Variants in CIROZ observed in about 807,000 individuals in gnomAD.
CIROZ encodes the protein ciliated left-right organizer ZP-N domains-containing protein.
At chr1:10,954,471 AAG>A in the CIROZ span, among the ~76,000 whole-genome samples, 4 of 143,290 alleles carry the variant, frequency 2.8e-5, no homozygotes, top group South Asian at 2.6e-4. Context: ...AAAAAAAGAA[AAG>A]AAAAGAAAAG....
At chr1:10,955,144 T>C in the CIROZ span, 3 of 1,612,886 alleles carry the variant, frequency 1.9e-6, no homozygotes, top group African/African-American at 1.3e-5. Flanking sequence ...CAGTCTCTGC[T>C]TGGGGATGTG....
the CIROZ span, among the ~76,000 whole-genome samples, chr1:10,967,769 C>T: frequency 4.6e-5 from 7 of 152,052 alleles, no homozygotes; most frequent in African/African-American, 1.4e-4. Context: ...GCCAGGAGTT[C>T]GAGACCAGTC....
chr1:10,957,417 A>G, the CIROZ span, among the ~76,000 whole-genome samples: 2 of 152,254 alleles, frequency 1.3e-5, no homozygotes, highest in South Asian at 4.1e-4. Context: ...CACTGAATGC[A>G]TGATTGCAGG....
chr1:10,964,119 A>G, the CIROZ span: 1 of 1,612,794 alleles, frequency 6.2e-7, no homozygotes, highest in Non-Finnish European at 8.5e-7. Context: ...GACCCCCCGA[A>G]CCCATTACCT....
chr1:10,970,932 C>T, the CIROZ span, among the ~76,000 whole-genome samples: 1 of 148,412 alleles, frequency 6.7e-6, no homozygotes. Flanking sequence ...ATTGCTTAAG[C>T]TCAGAAGTTC....
chr1:10,970,042 T>C, the CIROZ span: 2 of 1,536,090 alleles, frequency 1.3e-6, no homozygotes, highest in Non-Finnish European at 1.7e-6. Context: ...CACAGGGTCA[T>C]GTAGTCTGAG....
the CIROZ span, among the ~76,000 whole-genome samples, chr1:10,959,378 C>T: frequency 6.6e-6 from 1 of 152,164 alleles, no homozygotes; most frequent in African/African-American, 2.4e-5. This position sits in a 1 kb window ranked among gnomAD's most constrained non-coding sequence, Gnocchi z 4.3. Flanking sequence ...AGGGTGGCAC[C>T]ATTCTCCCGT....
the CIROZ span, among the ~76,000 whole-genome samples, chr1:10,969,172 T>C: frequency 3.3e-5 from 5 of 152,178 alleles, no homozygotes; most frequent in Admixed American, 3.3e-4. Flanking sequence ...TGGGTGAGAT[T>C]GGAAAGCCTC....
chr1:10,969,974 C>T, the CIROZ span: 1 of 1,533,148 alleles, frequency 6.5e-7, no homozygotes, highest in Non-Finnish European at 8.7e-7. Context: ...TCTTACCTGG[C>T]AAGTGCAAGG....
the CIROZ span, chr1:10,947,896 A>G: frequency 1.9e-6 from 3 of 1,612,056 alleles, no homozygotes; most frequent in South Asian, 1.1e-5. Context: ...GCAACCCCCC[A>G]CTCCTCCTGG....
At chr1:10,959,814 T>C in the CIROZ span, among the ~76,000 whole-genome samples, 2 of 152,338 alleles carry the variant, frequency 1.3e-5, no homozygotes, top group South Asian at 2.1e-4. The surrounding 1 kb of genome is among the most constrained non-coding windows in gnomAD (Gnocchi z 4.3). Context: ...AGAGAGCCCA[T>C]GTTGGCAGCA....
the CIROZ span, among the ~76,000 whole-genome samples, chr1:10,979,640 C>T: frequency 6.6e-6 from 1 of 152,190 alleles, no homozygotes; most frequent in African/African-American, 2.4e-5. Flanking sequence ...AGACTGTTGA[C>T]AGCAGTGCTA....
the CIROZ span, chr1:10,957,096 G>A: frequency 6.5e-6 from 10 of 1,549,664 alleles, no homozygotes; most frequent in Non-Finnish European, 8.7e-6. Context: ...GCTCAGCAGA[G>A]GTGTTCAGCA....
the CIROZ span, among the ~76,000 whole-genome samples, chr1:10,973,102 G>C: frequency 1.3e-5 from 2 of 152,224 alleles, no homozygotes; most frequent in African/African-American, 4.8e-5. Flanking sequence ...GCCAGGTGCA[G>C]TGGCTCACGC....
the CIROZ span, chr1:10,954,954 A>G: frequency 6.4e-7 from 1 of 1,558,266 alleles, no homozygotes; most frequent in Non-Finnish European, 8.7e-7. Context: ...CCTCAGGAAG[A>G]GAAGGGGCGA....
the CIROZ span, among the ~76,000 whole-genome samples, chr1:10,959,624 A>G: frequency 6.6e-6 from 1 of 152,298 alleles, no homozygotes; most frequent in South Asian, 2.1e-4. The surrounding 1 kb of genome is among the most constrained non-coding windows in gnomAD (Gnocchi z 4.3). Flanking sequence ...CAGAATGAGG[A>G]GACTGGAGCC....
chr1:10,964,035 G>A, the CIROZ span: 1 of 1,486,042 alleles, frequency 6.7e-7, no homozygotes, highest in South Asian at 1.3e-5. Flanking sequence ...ACGTCCTGTG[G>A]TGCAGGAGCC....
At chr1:10,948,313 G>C in the CIROZ span, 13 of 1,613,626 alleles carry the variant, frequency 8.1e-6, no homozygotes, top group Non-Finnish European at 1.1e-5. Context: ...CCGGGAGAAC[G>C]GTGAGAAACC....
At chr1:10,954,117 G>A in the CIROZ span, 465 of 1,613,028 alleles carry the variant, frequency 2.9e-4, no homozygotes, top group Admixed American at 3.8e-4. Flanking sequence ...TTGTGTTCCC[G>A]GGGTTCCTCC....
Sources: gnomAD v4.1 joint callset for allele counts (sites outside exome capture counted in the v4.1 genomes callset) on GRCh38, gnomAD v4.1.1 for gene constraint, Gnocchi (gnomAD v3.1) non-coding constraint, MANE v1.5 for transcripts, NCBI Gene and HGNC (gene_info 2026-07-23, HGNC 2026-07-21) for gene names.